Variants in MTMR12 observed in about 807,000 individuals in gnomAD.
MTMR12 encodes myotubularin-related protein 12.
In MTMR12, 33 loss-of-function variants were observed where a neutral mutation model predicts 96.7. The observed-to-expected ratio is 0.34, with a 90% CI of 0.26 to 0.46. The LOEUF (loss-of-function observed/expected upper bound fraction) is 0.46, where lower values mean the gene tolerates loss of function less well. MTMR12 is among the 20% of genes least tolerant of loss of function. The pLI, the probability that MTMR12 is intolerant of heterozygous loss-of-function variation, is 1.00. For synonymous variants in MTMR12, 298 were observed against 327.2 expected (o/e 0.91, Z 0.96); for missense variants, 721 against 896.1 (o/e 0.80, Z 2.49).
chr5:32,266,556 C>T (rs1236787322), intron 6 of MTMR12, among the ~76,000 whole-genome samples: 5 of 151,806 alleles, frequency 3.3e-5, no homozygotes, highest in Admixed American at 6.6e-5. Flanking sequence ...CATGTGGTGG[C>T]ATGCGCCTGT....
chr5:32,307,188 T>TA (rs1242513820), intron 1 of MTMR12, among the ~76,000 whole-genome samples: 2 of 152,146 alleles, frequency 1.3e-5, no homozygotes, highest in Non-Finnish European at 2.9e-5. Flanking sequence ...AATCGTTCTT[T>TA]AAAAAATGTT....
chr5:32,264,338 G>A (rs929686965), intron 6 of MTMR12, among the ~76,000 whole-genome samples: 1 of 151,822 alleles, frequency 6.6e-6, no homozygotes, highest in Non-Finnish European at 1.5e-5. Flanking sequence ...AAAAACGAAG[G>A]GTTTACAAAA....
rs1554053440 is a variant in MTMR12, at chr5:32,228,607, T to TATATGATATATATATATCA, written c.*1170_*1171insTGATATATATATATCATAT. On this transcript the variant is annotated 3_prime_UTR_variant, in exon 16 of 16. Transcript: ENST00000382142. ...TATATATGTGATATATATATATATA[T>TATATGATATATATATATCA]CATATATATGATATATATATATCAC... 3 of 117,350 alleles carry TATATGATATATATATATCA rather than the reference T, an allele frequency of 2.6e-5. No homozygotes were observed. The highest frequency in any genetic ancestry group is 9.6e-5 in the African/African-American group (3 of 31,268). The allele number at this position is 117,350 out of a possible 1,614,324, so 7.3% of individuals were successfully genotyped here.
intron 1 of MTMR12, among the ~76,000 whole-genome samples, chr5:32,277,696 C>CAAAAA (rs757642747): frequency 7.4e-6 from 1 of 134,284 alleles, no homozygotes; most frequent in African/African-American, 3.2e-5. Context: ...GACTCTGTCT[C>CAAAAA]AAAAAAAAAA....
chr5:32,255,660 C>A (rs571198383), intron 8 of MTMR12, 33 bp downstream of exon 8: 2 of 1,570,612 alleles, frequency 1.3e-6, no homozygotes, highest in South Asian at 2.3e-5. Flanking sequence ...CAATGCACAA[C>A]CCACACCTTT....
chr5:32,245,327 C>T (rs75931848), intron 10 of MTMR12, among the ~76,000 whole-genome samples: 6,099 of 152,190 alleles, frequency 0.04, 408 homozygotes, highest in African/African-American at 0.14. Context: ...TGAGCTACTA[C>T]GCCCAGCCCC....
At position 32,296,929 on chromosome 5, in the gene MTMR12, C is replaced by T. The variant is rs1041045198; in HGVS notation, c.81+15829G>A. Among the ~76,000 whole-genome samples, 19 of 151,852 alleles carry T rather than the reference C, an allele frequency of 1.3e-4. 1 individual carries two copies. The South Asian group carries it at 2.1e-3, about 17-fold the overall frequency. ...CATCCTGGCTAACATGGTGAAACCC[C>T]GTCTCTACTAAAAAATACAAAAAAT... On this transcript the variant is annotated intron_variant, in intron 1 of 15. Transcript: ENST00000382142.
At chr5:32,285,359 A>G in intron 1 of MTMR12, among the ~76,000 whole-genome samples, 1 of 63,124 alleles carries the variant, frequency 1.6e-5, no homozygotes, top group South Asian at 5.7e-4. Flanking sequence ...TTCCATTTCA[A>G]AAAAAAAAAA....
intron 1 of MTMR12, among the ~76,000 whole-genome samples, chr5:32,307,142 A>C (rs1363201512): frequency 6.6e-6 from 1 of 152,220 alleles, no homozygotes; most frequent in South Asian, 2.1e-4. Flanking sequence ...ATCTGCTTGA[A>C]GTGTACAGAA....
chr5:32,245,711 C>T, intron 10 of MTMR12, among the ~76,000 whole-genome samples: 1 of 152,004 alleles, frequency 6.6e-6, no homozygotes, highest in East Asian at 1.9e-4. Flanking sequence ...ACCTGTAATT[C>T]CAGCTACTCA....
At chr5:32,234,915 T>G in intron 14 of MTMR12, 47 bp downstream of exon 14, 2 of 1,524,530 alleles carry the variant, frequency 1.3e-6, no homozygotes, top group Non-Finnish European at 9.0e-7. Context: ...ATCCTACTTG[T>G]GAGAAGAAGC....
intron 1 of MTMR12, chr5:32,309,755 C>A (rs1189109361): frequency 6.6e-6 from 1 of 151,560 alleles, no homozygotes; most frequent in Admixed American, 6.6e-5. Flanking sequence ...ATTCGTGAAG[C>A]GTTTCATATT....
rs374085808 is a variant in MTMR12 at position 32,233,774 on chromosome 5, T to C, written c.1673A>G (p.Lys558Arg). 84 of 1,614,090 alleles carry C rather than the reference T, an allele frequency of 5.2e-5. No homozygotes were observed. The highest frequency in any genetic ancestry group is 6.5e-5 in the Non-Finnish European group (77 of 1,180,042). The change falls in exon 15 of 16, where the codon AAA becomes AGA. Residue 558 changes from lysine to arginine, a missense_variant and splice_region_variant. Coordinates refer to ENST00000382142, the MANE Select transcript of MTMR12 (RefSeq NM_001040446.3). The surrounding 1 kb of genome is among the most constrained non-coding windows in gnomAD (Gnocchi z 5.0). ...DKGQRKGMRF[K>R]HQRQLSLPLT... ...GGTTTAGACATGTGGACATCTTACT[T>C]TGAAGCGCATTCCTTTCCGTTGGCC...
intron 6 of MTMR12, among the ~76,000 whole-genome samples, chr5:32,263,591 C>T (rs1749464260): frequency 6.6e-6 from 1 of 152,134 alleles, no homozygotes; most frequent in African/African-American, 2.4e-5. Flanking sequence ...GAACGCACCA[C>T]CACATATGGC....
rs529859807 is a variant in MTMR12, at chr5:32,250,560, T to C, written c.790-1682A>G. Among the ~76,000 whole-genome samples the C allele has an allele frequency of 2.6e-5, 4 of 152,356 alleles. No homozygotes were observed. In the East Asian group the frequency reaches 5.8e-4, roughly 22 times the overall value. On this transcript the variant is annotated intron_variant, in intron 8 of 15. Coordinates refer to ENST00000382142, the MANE Select transcript of MTMR12 (RefSeq NM_001040446.3). ...GCTCTCTGCCTAAGGTGGTGAAATT[T>C]TGGTGCCCAGGCAATTGTGCCCCCC...
chr5:32,311,733 G>C (rs1038037485), intron 1 of MTMR12, among the ~76,000 whole-genome samples: 5 of 152,138 alleles, frequency 3.3e-5, no homozygotes, highest in Non-Finnish European at 5.9e-5. Context: ...TTGTCCATGG[G>C]CCTCTGCCAT....
At chr5:32,231,810 A>T (rs1241366894) in intron 15 of MTMR12, among the ~76,000 whole-genome samples, 5 of 152,130 alleles carry the variant, frequency 3.3e-5, no homozygotes, top group African/African-American at 1.2e-4. Flanking sequence ...CAGGGCAGGG[A>T]CTACACTGAA....
chr5:32,229,674 C>A lies in MTMR12; in HGVS notation c.*104G>T. On this transcript the variant is annotated 3_prime_UTR_variant, in exon 16 of 16. Coordinates refer to ENST00000382142, the MANE Select transcript of MTMR12 (RefSeq NM_001040446.3). ...GGCCCAGGTTTATTCTAACGGAGTG[C>A]CGGGCTAAGGACCCAGCCAGCATGA... 1.8e-6 allele frequency: 2 copies of A among 1,140,794 alleles called. No individual in the cohort carries two copies. The highest frequency in any genetic ancestry group is 2.4e-6 in the Non-Finnish European group (2 of 847,524). 70.7% of individuals were successfully genotyped at this position (1,140,794 alleles called of 1,614,324 possible).
At chr5:32,290,540 G>A (rs769809595) in intron 1 of MTMR12, among the ~76,000 whole-genome samples, 4 of 152,186 alleles carry the variant, frequency 2.6e-5, no homozygotes, top group Non-Finnish European at 5.9e-5. Flanking sequence ...AATGCCTAGT[G>A]GGCCTATTTG....
Sources: allele counts gnomAD v4.1 joint callset (sites outside exome capture counted in the v4.1 genomes callset), GRCh38; gene constraint gnomAD v4.1.1; non-coding constraint Gnocchi (gnomAD v3.1); transcripts MANE v1.5; gene names NCBI Gene and HGNC (gene_info 2026-07-23, HGNC 2026-07-21).